The following PPP2R2B variants were observed in gnomAD, a reference collection of about 807,000 sequenced individuals.
The protein encoded by PPP2R2B is serine/threonine-protein phosphatase 2A 55 kDa regulatory subunit B beta isoform.
PPP2R2B carries 5 observed loss-of-function variants against 46.0 expected under a neutral mutation model. The observed-to-expected ratio is 0.11, with a 90% confidence interval of 0.06 to 0.23. The LOEUF (loss-of-function observed/expected upper bound fraction) is 0.23. Ranked by LOEUF, PPP2R2B falls within the 10% of genes least tolerant of loss-of-function variation. PPP2R2B has a pLI of 1.00. For synonymous variants in PPP2R2B, 215 were observed against 206.7 expected, an observed-to-expected ratio of 1.04 and a Z score of -0.34; for missense variants, 367 against 575.0, an observed-to-expected ratio of 0.64 and a Z score of 3.70.
intron 2 of PPP2R2B, among the ~76,000 whole-genome samples, chr5:146,721,167 A>G (rs1780776833): frequency 6.6e-6 from 1 of 152,130 alleles, no homozygotes; most frequent in African/African-American, 2.4e-5. Context: ...TCCAAACTGG[A>G]GCTGTTTTTC....
intron 2 of PPP2R2B, among the ~76,000 whole-genome samples, chr5:147,069,783 C>CTTTTTTTTTTTTTT (rs1561611794): frequency 6.2e-5 from 3 of 48,418 alleles, no homozygotes; most frequent in Admixed American, 2.2e-4. Flanking sequence ...ACATTTTATA[C>CTTTTTTTTTTTTTT]TGTTTTTTTT....
chr5:146,718,539 G>C (rs994770456), intron 2 of PPP2R2B, among the ~76,000 whole-genome samples: 1 of 152,130 alleles, frequency 6.6e-6, no homozygotes, highest in South Asian at 2.1e-4. Flanking sequence ...ATGAAAATTT[G>C]AAAACCAATA....
intron 5 of PPP2R2B, among the ~76,000 whole-genome samples, chr5:146,675,002 T>C (rs1293161218): frequency 6.6e-6 from 1 of 152,134 alleles, no homozygotes; most frequent in Admixed American, 6.5e-5. Flanking sequence ...CTCGCTCTGT[T>C]GCCAGGCTGG....
chr5:146,729,016 G>A (rs1752057984), intron 2 of PPP2R2B, among the ~76,000 whole-genome samples: 1 of 150,376 alleles, frequency 6.6e-6, no homozygotes, highest in African/African-American at 2.4e-5. Context: ...GGCAGAGATT[G>A]GAAAAGTTTG....
intron 2 of PPP2R2B, among the ~76,000 whole-genome samples, chr5:146,705,926 C>CT (rs1208844573): frequency 1.3e-5 from 2 of 148,602 alleles, no homozygotes; most frequent in African/African-American, 5.0e-5. Flanking sequence ...CAGAATATAT[C>CT]TTTTCTCTTT....
chr5:147,081,424 C>T (rs894293784), exon 1 of PPP2R2B: 19 of 868,118 alleles, frequency 2.2e-5, no homozygotes, highest in Non-Finnish European at 2.9e-5. Flanking sequence ...GCCCTGGCAG[C>T]GTCCTGGAGT....
chr5:146,955,848 G>A (rs150530607), intron 1 of PPP2R2B, among the ~76,000 whole-genome samples: 11 of 141,104 alleles, frequency 7.8e-5, no homozygotes, highest in East Asian at 4.2e-4. Context: ...GCATGATCTC[G>A]TCTCACTGCA....
intron 1 of PPP2R2B, among the ~76,000 whole-genome samples, chr5:147,027,802 G>A (rs1245799248): frequency 6.6e-6 from 1 of 152,060 alleles, no homozygotes; most frequent in Non-Finnish European, 1.5e-5. Context: ...TAAAATGGGT[G>A]CATTTTATTG....
chr5:146,798,858 T>A (rs1201891213), intron 2 of PPP2R2B, among the ~76,000 whole-genome samples: 2 of 152,224 alleles, frequency 1.3e-5, no homozygotes, highest in East Asian at 3.8e-4. Context: ...CAGGTCCATG[T>A]CTGTCTGACC....
chr5:147,018,908 A>C (rs1306423557), intron 1 of PPP2R2B, among the ~76,000 whole-genome samples: 3 of 152,046 alleles, frequency 2.0e-5, no homozygotes, highest in Non-Finnish European at 4.4e-5. Flanking sequence ...TATTTTAAAA[A>C]ACTCCCTCTT....
At chr5:146,887,322 C>CA (rs1299739204) in intron 1 of PPP2R2B, among the ~76,000 whole-genome samples, 1 of 152,088 alleles carries the variant, frequency 6.6e-6, no homozygotes. Context: ...GGAACTGTTT[C>CA]AAAATTTTTA....
At chr5:146,914,914 G>T (rs1421714286) in intron 1 of PPP2R2B, among the ~76,000 whole-genome samples, 1 of 152,146 alleles carries the variant, frequency 6.6e-6, no homozygotes, top group East Asian at 1.9e-4. Context: ...TCCACTTTCA[G>T]TATTCGAATC....
intron 2 of PPP2R2B, among the ~76,000 whole-genome samples, chr5:146,774,235 A>G (rs1755039137): frequency 6.6e-6 from 1 of 152,200 alleles, no homozygotes; most frequent in African/African-American, 2.4e-5. Context: ...GTGAGATGAT[A>G]TAGGAAGCTA....
Position 146,698,162 on chromosome 5 carries a change from A to C in PPP2R2B, c.169-18T>G. The C allele has an allele frequency of 6.4e-7, 1 of 1,565,196 alleles. No individual in the cohort carries two copies. Among genetic ancestry groups the C allele is most frequent in the Non-Finnish European group, 8.6e-7 (1 of 1,162,038 alleles). On this transcript the variant is annotated intron_variant, in intron 3 of 9. Transcript: ENST00000394411. The stretch of plus-strand genomic sequence containing the variant: ...TTTTTACTCTGTAGGAAAGGAAAAA[A>C]ATACACAACAGATTAAATCACAGTA...
intron 2 of PPP2R2B, among the ~76,000 whole-genome samples, chr5:146,796,954 T>A (rs1756577114): frequency 6.6e-6 from 1 of 152,200 alleles, no homozygotes; most frequent in African/African-American, 2.4e-5. Context: ...TTCACCAGCC[T>A]GTAACTCCAT....
At chr5:147,058,091 T>A (rs1757145543), upstream of PPP2R2B, among the ~76,000 whole-genome samples, 1 of 152,228 alleles carries the variant, frequency 6.6e-6, no homozygotes, top group African/African-American at 2.4e-5. Flanking sequence ...CAACGTCTAA[T>A]TCATCTTTAT....
At chr5:146,930,163 T>C (rs541034702) in intron 1 of PPP2R2B, among the ~76,000 whole-genome samples, 1 of 152,122 alleles carries the variant, frequency 6.6e-6, no homozygotes, top group African/African-American at 2.4e-5. Context: ...CCGCTTTAGA[T>C]TGAATAGTCC....
At chr5:147,031,701 A>G (rs1755794136) in intron 1 of PPP2R2B, among the ~76,000 whole-genome samples, 1 of 152,170 alleles carries the variant, frequency 6.6e-6, no homozygotes, top group South Asian at 2.1e-4. Flanking sequence ...ACTTAGGCAC[A>G]TAGACCAATG....
chr5:146,940,793 C>T (rs1420300674), intron 1 of PPP2R2B, among the ~76,000 whole-genome samples: 2 of 152,154 alleles, frequency 1.3e-5, no homozygotes, highest in South Asian at 2.1e-4. Context: ...CTGTGTTCCA[C>T]TGAATTCTCT....
Sources: gnomAD v4.1 joint callset for allele counts (sites outside exome capture counted in the v4.1 genomes callset) on GRCh38, gnomAD v4.1.1 for gene constraint, MANE v1.5 for transcripts, NCBI Gene and HGNC (gene_info 2026-07-23, HGNC 2026-07-21) for gene names.